GAB2: variants seen among roughly 807,000 people sequenced by gnomAD.
GAB2 encodes GRB2-associated-binding protein 2.
GAB2 carries 26 observed loss-of-function variants against 65.5 expected under a neutral mutation model. That is an observed-to-expected ratio of 0.40 (90% CI 0.29 to 0.55). The LOEUF (loss-of-function observed/expected upper bound fraction) is 0.55, where lower values mean the gene tolerates loss of function less well. Among genes scored for constraint, GAB2 ranks in the 20% least tolerant of loss-of-function variants. The pLI, the probability that GAB2 is intolerant of heterozygous loss-of-function variation, is 0.53. For synonymous variants in GAB2, 321 were observed against 329.6 expected, an observed-to-expected ratio of 0.97 and a Z score of 0.28; for missense variants, 884 against 875.8, an observed-to-expected ratio of 1.01 and a Z score of -0.12.
At chr11:78,395,246 A>T (rs184510761) in intron 1 of GAB2, among the ~76,000 whole-genome samples, 13 of 152,308 alleles carry the variant, frequency 8.5e-5, no homozygotes, top group African/African-American at 3.1e-4. Flanking sequence ...ATCAGGTCAG[A>T]AGTTCGAGAC....
At chr11:78,359,711 A>G (rs1347871779) in intron 1 of GAB2, among the ~76,000 whole-genome samples, 2 of 152,258 alleles carry the variant, frequency 1.3e-5, no homozygotes, top group Non-Finnish European at 2.9e-5. Flanking sequence ...GTATAAATAA[A>G]TAAGATAGAA....
rs7946958 is a variant in GAB2, at chr11:78,374,293, T to C, written c.75+43353A>G. ...AACCCTCGAAGAAAAACAAAATTAT[T>C]AAGACCAAGGTCTACAATACAAATA... On this transcript the variant is annotated intron_variant, in intron 1 of 9. Transcript: ENST00000361507. Among the ~76,000 whole-genome samples the C allele has an allele frequency of 9.2e-3, 1,405 of 152,320 alleles. 24 individuals are homozygous for C. Among genetic ancestry groups the C allele is most frequent in the African/African-American group, 0.032 (1,333 of 41,568 alleles).
intron 3 of GAB2, among the ~76,000 whole-genome samples, chr11:78,233,110 G>C (rs1281086748): frequency 1.4e-5 from 2 of 147,316 alleles, no homozygotes; most frequent in Non-Finnish European, 3.0e-5. Context: ...CGTGATCTCA[G>C]CTCACTGCAA....
chr11:78,384,155 G>C (rs1408555371), intron 1 of GAB2, among the ~76,000 whole-genome samples: 4 of 152,190 alleles, frequency 2.6e-5, no homozygotes, highest in Non-Finnish European at 5.9e-5. Context: ...CTCAAAGGTG[G>C]CACCAGATGG....
At chr11:78,416,669 C>CA (rs1857200274) in intron 1 of GAB2, among the ~76,000 whole-genome samples, 1 of 152,110 alleles carries the variant, frequency 6.6e-6, no homozygotes, top group Non-Finnish European at 1.5e-5. Flanking sequence ...ACCTTACCCC[C>CA]ACTTCCAAAC....
rs1554985530 is a variant in GAB2, at chr11:78,300,526, A to AAAAC, written c.76-19626_76-19625insGTTT. On this transcript the variant is annotated intron_variant, in intron 1 of 9. Transcript: ENST00000361507. ...CTACGTTTAATTTTATAAAAAAACA[A>AAAAC]AAAAACAAAAAACTACCACATTGTT... Among the ~76,000 whole-genome samples the AAAAC allele has an allele frequency of 1.1e-3, 156 of 145,514 alleles. 1 individual carries two copies. The highest frequency in any genetic ancestry group is 9.6e-3 in the South Asian group (45 of 4,680).
intron 1 of GAB2, among the ~76,000 whole-genome samples, chr11:78,292,662 G>A (rs1866713746): frequency 6.6e-6 from 1 of 152,192 alleles, no homozygotes; most frequent in Non-Finnish European, 1.5e-5. Context: ...AGAGTACAGT[G>A]GGAGTCATGT....
At chr11:78,357,656 T>C (rs1468479488) in intron 1 of GAB2, among the ~76,000 whole-genome samples, 1 of 152,100 alleles carries the variant, frequency 6.6e-6, no homozygotes, top group Non-Finnish European at 1.5e-5. Flanking sequence ...CAACAGACAC[T>C]TCTCAAAAGA....
In GAB2 at chr11:78,221,680, A is replaced by G. The variant is rs2134455063; in HGVS notation, c.1758T>C (p.Pro586=). Residue 586 remains proline (P), a synonymous_variant, in exon 8 of 10, where the codon CCT becomes CCC. Transcript: ENST00000361507. ...CAGCGAAGCCCGAAGGACTCACCAT[A>G]GGGACATAGTTCTCTTCGCTGTCTC... ...DSGDSEENYV[P]MQNPVSASPV... 1.2e-6 allele frequency: 2 copies of G among 1,603,802 alleles called. No individual in the cohort carries two copies. Among genetic ancestry groups the G allele is most frequent in the Admixed American group, 1.7e-5 (1 of 59,912 alleles).
At chr11:78,340,716 G>A (rs539828133) in intron 1 of GAB2, among the ~76,000 whole-genome samples, 25 of 151,860 alleles carry the variant, frequency 1.6e-4, no homozygotes, top group South Asian at 6.2e-4. Flanking sequence ...TATTTACCAC[G>A]TGACAGATAC....
chr11:78,281,545 C>T (rs536492046), intron 1 of GAB2, among the ~76,000 whole-genome samples: 27 of 152,296 alleles, frequency 1.8e-4, no homozygotes, highest in South Asian at 1.2e-3. Flanking sequence ...CATGCCCAGA[C>T]GACCTTAAAG....
chr11:78,385,047 T>C (rs1476180225), intron 1 of GAB2, among the ~76,000 whole-genome samples: 1 of 152,144 alleles, frequency 6.6e-6, no homozygotes, highest in African/African-American at 2.4e-5. Flanking sequence ...AGCTAAAAAA[T>C]GACAATGGAA....
At chr11:78,264,023 C>T (rs1470670756) in intron 2 of GAB2, among the ~76,000 whole-genome samples, 1 of 151,866 alleles carries the variant, frequency 6.6e-6, no homozygotes, top group African/African-American at 2.4e-5. Flanking sequence ...CATATCTCCA[C>T]AAAATTCTCT....
chr11:78,255,123 GAAAC>G (rs981421089), intron 2 of GAB2, among the ~76,000 whole-genome samples: 2 of 152,082 alleles, frequency 1.3e-5, no homozygotes, highest in Non-Finnish European at 2.9e-5. Flanking sequence ...CAGAGACAGA[GAAAC>G]ACAAAGGCAG....
chr11:78,384,845 A>G (rs1856746054), intron 1 of GAB2, among the ~76,000 whole-genome samples: 1 of 152,238 alleles, frequency 6.6e-6, no homozygotes, highest in African/African-American at 2.4e-5. Context: ...GCCCTTTCTG[A>G]GCACAAAAGC....
intron 2 of GAB2, among the ~76,000 whole-genome samples, chr11:78,271,237 C>T (rs552374553): frequency 1.3e-5 from 2 of 152,346 alleles, no homozygotes; most frequent in South Asian, 2.1e-4. Context: ...ATCCGCCTGC[C>T]TATAAACACA....
In GAB2 at chr11:78,271,261, C is replaced by T. The variant is rs113645438; in HGVS notation, c.376+9340G>A. ...CCTATAAACACAGCTCAGAGCAGCT[C>T]TCTGCTTCCTTATTCTGAGGACTGA... On this transcript the variant is annotated intron_variant, in intron 2 of 9. Transcript: ENST00000361507. Among the ~76,000 whole-genome samples the T allele has an allele frequency of 7.9e-3, 1,205 of 152,346 alleles. 11 individuals are homozygous for T. The highest frequency in any genetic ancestry group is 0.027 in the African/African-American group (1,136 of 41,580).
At chr11:78,237,168 A>G (rs1865004801) in intron 3 of GAB2, among the ~76,000 whole-genome samples, 1 of 152,214 alleles carries the variant, frequency 6.6e-6, no homozygotes. Flanking sequence ...CCATCTGGGC[A>G]TAGTTTTCTA....
At chr11:78,229,421 G>A (rs1479455430) in intron 3 of GAB2, among the ~76,000 whole-genome samples, 1 of 152,122 alleles carries the variant, frequency 6.6e-6, no homozygotes, top group Non-Finnish European at 1.5e-5. Flanking sequence ...TTCAAGGTGG[G>A]GATGGGGTTG....
Sources: gnomAD v4.1 joint callset for allele counts (sites outside exome capture counted in the v4.1 genomes callset) on GRCh38, gnomAD v4.1.1 for gene constraint, MANE v1.5 for transcripts, NCBI Gene and HGNC (gene_info 2026-07-23, HGNC 2026-07-21) for gene names.